CAAP1: variants seen among roughly 807,000 people sequenced by gnomAD.
The protein encoded by CAAP1 is conserved anti-apoptotic protein.
In CAAP1, 20 loss-of-function variants were observed where a neutral mutation model predicts 34.0. That is an observed-to-expected ratio of 0.59 (90% CI 0.41 to 0.86). CAAP1 has a LOEUF of 0.86. Among genes scored for constraint, CAAP1 ranks in the 40% least tolerant of loss-of-function variants. The probability of loss-of-function intolerance (pLI) is 0.00; values close to 1 mark genes in which losing one functional copy is unlikely to be tolerated. For missense variants in CAAP1, 538 were observed against 450.5 expected (o/e 1.19, Z -1.76); for synonymous variants, 213 against 166.7 (o/e 1.28, Z -2.14).
chr9:26,879,655 C>A (rs921593536), intron 4 of CAAP1, among the ~76,000 whole-genome samples: 4 of 152,184 alleles, frequency 2.6e-5, no homozygotes, highest in African/African-American at 9.6e-5. Context: ...GCCAGCACAG[C>A]TAGAATAAAG....
chr9:26,863,509 G>A (rs946094732), intron 4 of CAAP1, among the ~76,000 whole-genome samples: 2 of 152,052 alleles, frequency 1.3e-5, no homozygotes, highest in African/African-American at 4.8e-5. Flanking sequence ...ATCTTAAATT[G>A]TAAGAAAATT....
intron 4 of CAAP1, among the ~76,000 whole-genome samples, chr9:26,874,559 C>T (rs115411590): frequency 6.6e-6 from 1 of 152,248 alleles, no homozygotes; most frequent in East Asian, 1.9e-4. Flanking sequence ...CTGGTAACCA[C>T]CTTTCTATTA....
At chr9:26,845,924 T>C (rs1203965804) in intron 5 of CAAP1, among the ~76,000 whole-genome samples, 1 of 152,206 alleles carries the variant, frequency 6.6e-6, no homozygotes, top group East Asian at 1.9e-4. Flanking sequence ...AGTTGTTTAT[T>C]TCTCTAACAG....
intron 4 of CAAP1, among the ~76,000 whole-genome samples, chr9:26,865,113 G>A (rs1368904043): frequency 1.3e-5 from 2 of 152,050 alleles, no homozygotes; most frequent in Admixed American, 1.3e-4. Flanking sequence ...TCTCAACTGT[G>A]AGAAAAATCC....
Position 26,892,429 on chromosome 9 carries a change from G to A in CAAP1, c.287C>T (p.Ser96Leu), listed in dbSNP as rs749294350. 1 of 1,603,552 alleles carries A rather than the reference G, an allele frequency of 6.2e-7. No homozygotes were observed. Residue 96 changes from serine to leucine, a missense_variant, in exon 1 of 6, where the codon TCG (serine) becomes TTG (leucine). By Grantham distance (145) the Ser-to-Leu change is moderately radical. Coordinates refer to ENST00000333916, the MANE Select transcript of CAAP1 (RefSeq NM_024828.4). The stretch of plus-strand genomic sequence containing the variant: ...CGCACGCACCTGCTGCAAGGAGCCC[G>A]AGACGCTGGAAGAGTCGGTACTCCT... ...KRRSTDSSSV[S>L]GSLQQETKYI...
intron 5 of CAAP1, among the ~76,000 whole-genome samples, chr9:26,856,223 G>C (rs1358660973): frequency 2.0e-5 from 3 of 152,042 alleles, no homozygotes; most frequent in African/African-American, 7.2e-5. Context: ...ACATGCGACA[G>C]TTAATGTACA....
At chr9:26,870,810 T>A (rs1419746211) in intron 4 of CAAP1, among the ~76,000 whole-genome samples, 1 of 151,600 alleles carries the variant, frequency 6.6e-6, no homozygotes, top group East Asian at 2.0e-4. Context: ...AGAGATGGGG[T>A]TTCACCATGT....
At chr9:26,882,491 A>G (rs909327948) in intron 4 of CAAP1, among the ~76,000 whole-genome samples, 3 of 152,190 alleles carry the variant, frequency 2.0e-5, no homozygotes, top group Non-Finnish European at 2.9e-5. Flanking sequence ...ATCTCCACCT[A>G]GATTTCAGAG....
At chr9:26,869,333 A>G (rs1008251388) in intron 4 of CAAP1, among the ~76,000 whole-genome samples, 3 of 152,200 alleles carry the variant, frequency 2.0e-5, no homozygotes, top group Non-Finnish European at 4.4e-5. Flanking sequence ...TGTAAATCTG[A>G]GCATTTTTTA....
In CAAP1 at chr9:26,842,080, A is replaced by C. The variant is rs1019764280; in HGVS notation, c.*221T>G. On this transcript the variant is annotated 3_prime_UTR_variant, in exon 6 of 6. Transcript: ENST00000333916. ...ATCTAACAAAGTATCCAGGCTATCCAACTATATTGCCATGAATTCATAAGA... is the reference window on the plus strand; with the variant it reads ...ATCTAACAAAGTATCCAGGCTATCCCACTATATTGCCATGAATTCATAAGA... 1 of 411,918 alleles carries C rather than the reference A, an allele frequency of 2.4e-6. No individual in the cohort carries two copies. The highest frequency in any genetic ancestry group is 4.0e-5 in the Admixed American group (1 of 24,904). The allele number at this position is 411,918 out of a possible 1,614,324, so 25.5% of individuals were successfully genotyped here. A position where few individuals can be genotyped will look rare whatever the true frequency, so the allele number is the denominator to read the frequency against.
intron 5 of CAAP1, among the ~76,000 whole-genome samples, chr9:26,852,781 G>A (rs975256234): frequency 2.6e-5 from 4 of 152,034 alleles, no homozygotes; most frequent in Admixed American, 6.6e-5. Context: ...AGGTTTATTA[G>A]AAGGTTTACG....
intron 4 of CAAP1, among the ~76,000 whole-genome samples, chr9:26,868,519 A>C (rs1823193538): frequency 6.6e-6 from 1 of 152,168 alleles, no homozygotes; most frequent in Admixed American, 6.6e-5. Context: ...AGCCCAGAAA[A>C]ACTGATTTTC....
At chr9:26,875,804 A>G (rs539367736) in intron 4 of CAAP1, among the ~76,000 whole-genome samples, 1 of 152,234 alleles carries the variant, frequency 6.6e-6, no homozygotes, top group East Asian at 1.9e-4. Context: ...TTTTCAAGCA[A>G]CTAAGAAATC....
chr9:26,843,557 T>C (rs529409251), intron 5 of CAAP1, among the ~76,000 whole-genome samples: 2 of 152,266 alleles, frequency 1.3e-5, no homozygotes, highest in Admixed American at 6.5e-5. Context: ...TACATATGTA[T>C]ACATGTGCCA....
chr9:26,859,348 A>G (rs1342785037), intron 5 of CAAP1, among the ~76,000 whole-genome samples: 1 of 152,132 alleles, frequency 6.6e-6, no homozygotes, highest in Non-Finnish European at 1.5e-5. Context: ...AGTTCTAAAC[A>G]ATTCTGAGTG....
At chr9:26,872,470 T>G (rs1001955231) in intron 4 of CAAP1, among the ~76,000 whole-genome samples, 1 of 151,784 alleles carries the variant, frequency 6.6e-6, no homozygotes. Flanking sequence ...TGTATTCTAT[T>G]GCAAACAAAA....
chr9:26,845,242 C>T (rs1822572558), intron 5 of CAAP1, among the ~76,000 whole-genome samples: 1 of 152,198 alleles, frequency 6.6e-6, no homozygotes, highest in Non-Finnish European at 1.5e-5. Flanking sequence ...TTGTACACAG[C>T]AGGTGCTCAG....
chr9:26,881,231 C>T (rs1563891965), intron 4 of CAAP1, among the ~76,000 whole-genome samples: 1 of 152,220 alleles, frequency 6.6e-6, no homozygotes, highest in East Asian at 1.9e-4. Flanking sequence ...AACCTGTACT[C>T]ACAAAGTGCT....
At chr9:26,868,735 TACAGGACA>T (rs1823199628) in intron 4 of CAAP1, among the ~76,000 whole-genome samples, 2 of 152,182 alleles carry the variant, frequency 1.3e-5, no homozygotes, top group African/African-American at 4.8e-5. Context: ...CCAACAGGTG[TACAGGACA>T]ACTTACCTAC....
Sources: gnomAD v4.1 joint callset for allele counts (sites outside exome capture counted in the v4.1 genomes callset) on GRCh38, gnomAD v4.1.1 for gene constraint, MANE v1.5 for transcripts, NCBI Gene and HGNC (gene_info 2026-07-23, HGNC 2026-07-21) for gene names.